COL4A6: variants seen among roughly 807,000 people sequenced by gnomAD.
COL4A6 encodes collagen type IV alpha 6 chain.
In COL4A6, 59 loss-of-function variants were observed where a neutral mutation model predicts 126.7. The observed-to-expected ratio is 0.47, with a 90% CI of 0.38 to 0.58. The LOEUF is 0.58. Ranked by LOEUF, COL4A6 falls within the 20% of genes least tolerant of loss-of-function variation. COL4A6 has a pLI of 0.00. For missense variants in COL4A6, 1,285 were observed against 1,337.3 expected (o/e 0.96, Z 0.61); for synonymous variants, 547 against 496.6 (o/e 1.10, Z -1.35).
intron 2 of COL4A6, among the ~76,000 whole-genome samples, chrX:108,318,671 C>T (rs941885573): frequency 9.6e-4 from 107 of 111,844 alleles, no homozygotes; most frequent in African/African-American, 2.7e-3. Flanking sequence ...TTACAAGGGA[C>T]GTGAAGGACC....
chrX:108,317,608 G>A (rs1299702033), intron 2 of COL4A6, among the ~76,000 whole-genome samples: 1 of 111,584 alleles, frequency 9.0e-6, no homozygotes, highest in Non-Finnish European at 1.9e-5. Flanking sequence ...TTTCGTATAA[G>A]GTGTAAGGAA....
At chrX:108,189,688 T>A (rs1241247627) in intron 20 of COL4A6, among the ~76,000 whole-genome samples, 3 of 112,503 alleles carry the variant, frequency 2.7e-5, no homozygotes, top group African/African-American at 9.7e-5. Flanking sequence ...AGGCATTTCT[T>A]AACCAGACTC....
intron 2 of COL4A6, among the ~76,000 whole-genome samples, chrX:108,397,751 C>G (rs182709654): frequency 1.8e-5 from 2 of 111,418 alleles, no homozygotes; most frequent in East Asian, 5.6e-4. Flanking sequence ...TTAGTTAGAT[C>G]AGTCTCTGCC....
intron 2 of COL4A6, among the ~76,000 whole-genome samples, chrX:108,338,415 T>C (rs1486188693): frequency 8.9e-6 from 1 of 112,121 alleles, no homozygotes; most frequent in African/African-American, 3.2e-5. Context: ...GTCTTGGGAA[T>C]GAAGACTTGT....
intron 14 of COL4A6, among the ~76,000 whole-genome samples, chrX:108,195,428 C>T (rs1031725892): frequency 6.3e-5 from 7 of 111,517 alleles, no homozygotes; most frequent in African/African-American, 2.0e-4. Context: ...TGCGCCACCA[C>T]GCTTGGCTAA....
intron 8 of COL4A6, among the ~76,000 whole-genome samples, chrX:108,209,719 C>T (rs2035647160): frequency 8.9e-6 from 1 of 112,292 alleles, no homozygotes; most frequent in Non-Finnish European, 1.9e-5. Context: ...GGGGAAAGTA[C>T]ATCCCAGTGA....
chrX:108,303,293 G>A (rs1158255724), intron 3 of COL4A6, among the ~76,000 whole-genome samples: 2 of 110,701 alleles, frequency 1.8e-5, no homozygotes, highest in Non-Finnish European at 3.8e-5. Flanking sequence ...AGGGAAGGAA[G>A]TCTTGAGGGA....
intron 8 of COL4A6, among the ~76,000 whole-genome samples, chrX:108,209,397 AAAAGATAGAGCGAAG>A (rs1442637184): frequency 3.6e-5 from 4 of 112,225 alleles, no homozygotes; most frequent in African/African-American, 1.3e-4. Context: ...GATTACTGAA[AAAAGATAGAGCGAAG>A]AAAGAAAGAG....
chrX:108,412,339 C>T (rs1480359604), intron 2 of COL4A6, among the ~76,000 whole-genome samples: 1 of 111,973 alleles, frequency 8.9e-6, no homozygotes, highest in Non-Finnish European at 1.9e-5. Flanking sequence ...ATATTAGATA[C>T]ATCAGTATAG....
intron 2 of COL4A6, among the ~76,000 whole-genome samples, chrX:108,321,597 C>T (rs1403806157): frequency 1.8e-5 from 2 of 110,578 alleles, no homozygotes; most frequent in African/African-American, 6.6e-5. Flanking sequence ...GACCATTTTC[C>T]AGATTAAAAA....
chrX:108,304,317 G>C (rs2038570891), intron 3 of COL4A6, among the ~76,000 whole-genome samples: 1 of 111,764 alleles, frequency 8.9e-6, no homozygotes, highest in African/African-American at 3.3e-5. Flanking sequence ...GGCTATGATT[G>C]CATCTTGATT....
chrX:108,248,391 T>G (rs1458075653), intron 3 of COL4A6, among the ~76,000 whole-genome samples: 1 of 111,145 alleles, frequency 9.0e-6, no homozygotes, highest in Non-Finnish European at 1.9e-5. Context: ...TCATGTGAAC[T>G]TCCACATATA....
At chrX:108,187,029 C>T in intron 23 of COL4A6, 67 bp downstream of exon 23, 1 of 918,820 alleles carries the variant, frequency 1.1e-6, no homozygotes, top group Admixed American at 3.5e-5. Context: ...TTTCATGCAC[C>T]TGAGTCATAA....
chrX:108,159,994 A>G, intron 43 of COL4A6: 1 of 447,547 alleles, frequency 2.2e-6, no homozygotes, highest in Non-Finnish European at 4.0e-6. Context: ...ATCTGCTTTG[A>G]AAGAAACAGC....
At chrX:108,263,808 C>A (rs759399720) in intron 3 of COL4A6, among the ~76,000 whole-genome samples, 1 of 111,359 alleles carries the variant, frequency 9.0e-6, no homozygotes, top group South Asian at 3.8e-4. Flanking sequence ...ATTCTATGTG[C>A]AATTAGGTTT....
At chrX:108,226,602 T>C (rs1176389540) in intron 3 of COL4A6, among the ~76,000 whole-genome samples, 1 of 110,773 alleles carries the variant, frequency 9.0e-6, no homozygotes, top group African/African-American at 3.3e-5. Context: ...GTATAAGAGA[T>C]CTATTCAAAT....
chrX:108,299,051 C>T (rs948857241), intron 3 of COL4A6, among the ~76,000 whole-genome samples: 8 of 111,067 alleles, frequency 7.2e-5, no homozygotes, highest in Non-Finnish European at 1.3e-4. Flanking sequence ...GACTCTGTGT[C>T]CTCCTGCTGT....
chrX:108,257,715 G>A (rs912511695), intron 3 of COL4A6, among the ~76,000 whole-genome samples: 2 of 110,619 alleles, frequency 1.8e-5, no homozygotes, highest in Non-Finnish European at 3.8e-5. Flanking sequence ...ACCTTCCCCC[G>A]GAAGATCTCT....
At chrX:108,281,615 C>T (rs1160375523) in intron 3 of COL4A6, among the ~76,000 whole-genome samples, 192 of 111,526 alleles carry the variant, frequency 1.7e-3, no homozygotes, top group African/African-American at 5.4e-3. Flanking sequence ...AAGCTACCAA[C>T]GACTTTCTTC....
Sources: gnomAD v4.1 joint callset for allele counts (sites outside exome capture counted in the v4.1 genomes callset) on GRCh38, gnomAD v4.1.1 for gene constraint, MANE v1.5 for transcripts, NCBI Gene and HGNC (gene_info 2026-07-23, HGNC 2026-07-21) for gene names.